The following SLIT3 variants were observed in gnomAD, a reference collection of about 807,000 sequenced individuals.
The protein encoded by SLIT3 is slit homolog 3 protein.
SLIT3 carries 68 observed loss-of-function variants against 184.0 expected under a neutral mutation model. That is an observed-to-expected ratio of 0.37 (90% confidence interval 0.30 to 0.45). The LOEUF (loss-of-function observed/expected upper bound fraction) is 0.45. Among genes scored for constraint, SLIT3 ranks in the 20% least tolerant of loss-of-function variants. The pLI is 1.00. For synonymous variants in SLIT3, 831 were observed against 828.6 expected (o/e 1.00, Z -0.05); for missense variants, 1,707 against 2,026.0 (o/e 0.84, Z 3.02).
chr5:168,910,877 T>A (rs1046388498), intron 4 of SLIT3, among the ~76,000 whole-genome samples: 1 of 152,200 alleles, frequency 6.6e-6, no homozygotes, highest in Non-Finnish European at 1.5e-5. Context: ...CAGTTTATGC[T>A]TTGTGTCCTT....
intron 4 of SLIT3, among the ~76,000 whole-genome samples, chr5:168,922,855 G>A (rs1360708834): frequency 6.6e-6 from 1 of 152,192 alleles, no homozygotes; most frequent in Non-Finnish European, 1.5e-5. Flanking sequence ...AACTATGAGT[G>A]CTGCATGCTA....
At chr5:168,859,254 C>G (rs2113744428) in intron 5 of SLIT3, among the ~76,000 whole-genome samples, 1 of 152,160 alleles carries the variant, frequency 6.6e-6, no homozygotes, top group East Asian at 1.9e-4. Context: ...TGTCTCTGTA[C>G]AAAAGGTTTG....
At chr5:168,752,680 C>A in intron 18 of SLIT3, 1 of 427,302 alleles carries the variant, frequency 2.3e-6, no homozygotes, top group Non-Finnish European at 4.2e-6. Flanking sequence ...CAGGCGTGAG[C>A]CACCATGCCT....
chr5:168,770,179 C>T (rs906785184), intron 14 of SLIT3, among the ~76,000 whole-genome samples: 2 of 152,180 alleles, frequency 1.3e-5, no homozygotes, highest in African/African-American at 2.4e-5. Context: ...TTACCCCAGC[C>T]GGCAGCATCC....
intron 4 of SLIT3, among the ~76,000 whole-genome samples, chr5:169,098,091 G>A (rs1018355427): frequency 6.6e-6 from 1 of 152,078 alleles, no homozygotes; most frequent in Non-Finnish European, 1.5e-5. Flanking sequence ...AGCTGCCTGG[G>A]CCTTCCCAAT....
chr5:169,244,556 C>T, intron 3 of SLIT3, 149 bp downstream of exon 3: 1 of 648,698 alleles, frequency 1.5e-6, no homozygotes, highest in Non-Finnish European at 2.7e-6. Flanking sequence ...ATCTAATGTG[C>T]CTTAAGTATA....
chr5:169,206,154 TGA>T (rs1300314372), intron 3 of SLIT3, among the ~76,000 whole-genome samples: 1 of 152,230 alleles, frequency 6.6e-6, no homozygotes, highest in Non-Finnish European at 1.5e-5. Flanking sequence ...GAAGAGGGAC[TGA>T]GAATGCGTTA....
At chr5:169,142,820 A>G (rs568385848) in intron 4 of SLIT3, among the ~76,000 whole-genome samples, 2 of 152,360 alleles carry the variant, frequency 1.3e-5, no homozygotes, top group Admixed American at 6.5e-5. Context: ...GGCCACAGTA[A>G]TTGGTCCACG....
chr5:168,802,939 GC>G (rs1756820219), intron 9 of SLIT3, among the ~76,000 whole-genome samples: 1 of 152,212 alleles, frequency 6.6e-6, no homozygotes, highest in Non-Finnish European at 1.5e-5. Flanking sequence ...AAAGTTATCT[GC>G]CCATGGCTAC....
At chr5:169,043,868 G>C (rs1363382354) in intron 4 of SLIT3, among the ~76,000 whole-genome samples, 1 of 152,144 alleles carries the variant, frequency 6.6e-6, no homozygotes, top group Non-Finnish European at 1.5e-5. Flanking sequence ...ATCCGAACTG[G>C]GAGCTCAAGA....
At chr5:168,747,364 G>A (rs571975931) in intron 20 of SLIT3, among the ~76,000 whole-genome samples, 1 of 152,356 alleles carries the variant, frequency 6.6e-6, no homozygotes, top group Non-Finnish European at 1.5e-5. Flanking sequence ...CGAGCCCCGT[G>A]AGTGTAGGGG....
chr5:168,995,620 T>C (rs1211005913), intron 4 of SLIT3: 1 of 152,240 alleles, frequency 6.6e-6, no homozygotes, highest in Non-Finnish European at 1.5e-5. Flanking sequence ...GTTCTTCTCC[T>C]GAAAGGAGCC....
chr5:169,125,769 A>AAAAAAG (rs1761056167), intron 4 of SLIT3, among the ~76,000 whole-genome samples: 1 of 152,186 alleles, frequency 6.6e-6, no homozygotes, highest in Non-Finnish European at 1.5e-5. Flanking sequence ...GTGCCTGGGC[A>AAAAAAG]TTATCTAATT....
At chr5:168,947,776 G>T (rs569367804) in intron 4 of SLIT3, among the ~76,000 whole-genome samples, 55 of 152,098 alleles carry the variant, frequency 3.6e-4, no homozygotes, top group East Asian at 1.9e-3. Context: ...TAGTTTTTTT[G>T]TTGTTGTTGT....
chr5:169,300,425 C>T lies in SLIT3; in HGVS notation c.197+88G>A. On this transcript the variant is annotated intron_variant, in intron 1 of 35. Transcript: ENST00000519560. This position sits in a 1 kb window ranked among gnomAD's most constrained non-coding sequence, Gnocchi z 4.1. ...AGAATAGAGACTGCATCCAGGGAGG[C>T]CGAGGGGAAAGGACGGATCTGGCGC... is the stretch of plus-strand genomic sequence containing the variant. 1 of 1,361,512 alleles carries T rather than the reference C, an allele frequency of 7.3e-7. No homozygotes were observed. Among genetic ancestry groups the T allele is most frequent in the Non-Finnish European group, 9.4e-7 (1 of 1,059,148 alleles). 84.3% of individuals were successfully genotyped at this position (1,361,512 alleles called of 1,614,324 possible).
intron 4 of SLIT3, among the ~76,000 whole-genome samples, chr5:168,940,099 T>C (rs1258893922): frequency 1.3e-5 from 2 of 152,168 alleles, no homozygotes; most frequent in African/African-American, 2.4e-5. Flanking sequence ...AGGCAATAAA[T>C]GATAAGTGTC....
At chr5:169,130,272 C>T (rs1056633825) in intron 4 of SLIT3, among the ~76,000 whole-genome samples, 1 of 152,044 alleles carries the variant, frequency 6.6e-6, no homozygotes, top group African/African-American at 2.4e-5. Context: ...TAAAATTATT[C>T]CAAAATAAAA....
At chr5:169,193,196 T>A (rs545782651) in intron 4 of SLIT3, among the ~76,000 whole-genome samples, 2 of 152,154 alleles carry the variant, frequency 1.3e-5, no homozygotes, top group South Asian at 4.2e-4. Flanking sequence ...AGACCCACAA[T>A]CCATGGAAGC....
At chr5:168,878,726 T>C (rs2113780936) in intron 5 of SLIT3, among the ~76,000 whole-genome samples, 1 of 151,790 alleles carries the variant, frequency 6.6e-6, no homozygotes, top group East Asian at 1.9e-4. Context: ...CCTTTTTTTT[T>C]TTTTTTTAAG....
Sources: gnomAD v4.1 joint callset for allele counts (sites outside exome capture counted in the v4.1 genomes callset) on GRCh38, gnomAD v4.1.1 for gene constraint, Gnocchi (gnomAD v3.1) non-coding constraint, MANE v1.5 for transcripts, NCBI Gene and HGNC (gene_info 2026-07-23, HGNC 2026-07-21) for gene names.